ANKFN1: variants seen among roughly 807,000 people sequenced by gnomAD.
ANKFN1 encodes ankyrin repeat and fibronectin type-III domain-containing protein 1.
Under a neutral mutation model 108.7 loss-of-function variants are expected in ANKFN1, and 74 were observed. The ratio of observed to expected loss-of-function variants is 0.68; its 90% confidence interval spans 0.56 to 0.83. The LOEUF is 0.83. Ranked by LOEUF, ANKFN1 falls within the 40% of genes least tolerant of loss-of-function variation. ANKFN1 has a pLI of 0.00. For missense variants in ANKFN1, 1,505 were observed against 1,382.3 expected (o/e 1.09, Z -1.41); for synonymous variants, 547 against 516.2 (o/e 1.06, Z -0.81).
At chr17:56,204,109 C>T (rs2877737) in intron 1 of ANKFN1, among the ~76,000 whole-genome samples, 47,429 of 152,022 alleles carry the variant, frequency 0.31, 8,973 homozygotes, top group East Asian at 0.51. Context: ...TGCAATGGCA[C>T]GATCTCGGCT....
chr17:56,102,009 A>G (rs898654320), intron 4 of ANKFN1, among the ~76,000 whole-genome samples: 1 of 152,198 alleles, frequency 6.6e-6, no homozygotes, highest in African/African-American at 2.4e-5. Context: ...TGTTTCAGCC[A>G]TTTAAAATGA....
rs748898792 is a variant in ANKFN1, at chr17:56,092,266, A to ATTTTTTTTTTTTTTTTTTT, written c.288+45944_288+45962dup. On this transcript the variant is annotated intron_variant, in intron 4 of 12. Coordinates refer to the ANKFN1 transcript ENST00000635860. The stretch of plus-strand genomic sequence containing the variant: ...ATGTAGGCACAGGGAGTGAGGTAGT[A>ATTTTTTTTTTTTTTTTTTT]TTTTTTTTTTTTTTTTTTTTTGAGA... Among the ~76,000 whole-genome samples, 3 of 111,380 alleles carry ATTTTTTTTTTTTTTTTTTT rather than the reference A, an allele frequency of 2.7e-5. 1 individual carries two copies. Among genetic ancestry groups the ATTTTTTTTTTTTTTTTTTT allele is most frequent in the African/African-American group, 1.2e-4 (3 of 24,860 alleles). The allele number at this position is 111,380 out of a possible 152,430, so 73.1% of individuals were successfully genotyped here. A position where few individuals can be genotyped will look rare whatever the true frequency, so the allele number is the denominator to read the frequency against.
chr17:56,353,852 A>T lies in ANKFN1; in HGVS notation c.407A>T (p.Glu136Val). The T allele has an allele frequency of 6.2e-7, 1 of 1,614,004 alleles. No individual in the cohort carries two copies. Among genetic ancestry groups the T allele is most frequent in the Non-Finnish European group, 8.5e-7 (1 of 1,179,938 alleles). ...RKTSVNFQGN[E>V]AMFEAVEQQD... ...CCTCTCTAGAATTTCCAGGGCAATG[A>T]AGCCATGTTTGAGGCAGTCGAACAG... The change falls in exon 6 of 21, where the codon GAA becomes GTA. Residue 136 changes from glutamate (E) to valine (V), a missense_variant. Transcript: ENST00000682825.
At chr17:56,454,467 A>G (rs1321781380) in intron 11 of ANKFN1, among the ~76,000 whole-genome samples, 2 of 152,036 alleles carry the variant, frequency 1.3e-5, no homozygotes, top group Non-Finnish European at 2.9e-5. Flanking sequence ...TGGCCTTTGT[A>G]TTTCATGTTA....
chr17:56,378,148 T>C (rs1237353115), intron 8 of ANKFN1, among the ~76,000 whole-genome samples: 1 of 152,244 alleles, frequency 6.6e-6, no homozygotes, highest in Non-Finnish European at 1.5e-5. Context: ...ATAGTGTATC[T>C]GCTTCTGCAG....
At chr17:56,448,690 T>C (rs2049377832) in intron 10 of ANKFN1, among the ~76,000 whole-genome samples, 1 of 152,188 alleles carries the variant, frequency 6.6e-6, no homozygotes, top group African/African-American at 2.4e-5. Flanking sequence ...CTTTCTTTCC[T>C]ACTGTGAAAA....
intron 1 of ANKFN1, among the ~76,000 whole-genome samples, chr17:56,171,760 C>T (rs1910712347): frequency 6.6e-6 from 1 of 152,110 alleles, no homozygotes; most frequent in African/African-American, 2.4e-5. Context: ...TTAAAACTGT[C>T]CAGGCACAGA....
chr17:56,160,299 G>T (rs1397287911), intron 1 of ANKFN1, among the ~76,000 whole-genome samples: 2 of 152,294 alleles, frequency 1.3e-5, no homozygotes, highest in South Asian at 2.1e-4. Flanking sequence ...TGGAGAGAAA[G>T]GTAAATGATA....
chr17:56,217,417 G>T (rs146231498), intron 2 of ANKFN1, among the ~76,000 whole-genome samples: 5 of 152,160 alleles, frequency 3.3e-5, no homozygotes, highest in South Asian at 2.1e-4. Flanking sequence ...AAATTCCACC[G>T]CATTGTGTTG....
At chr17:56,395,743 G>A (rs560379024) in intron 8 of ANKFN1, among the ~76,000 whole-genome samples, 4 of 152,206 alleles carry the variant, frequency 2.6e-5, no homozygotes, top group African/African-American at 9.6e-5. Flanking sequence ...CAGCTACTCG[G>A]GAGGCTGAGG....
At chr17:56,182,911 A>C (rs1202675513) in intron 1 of ANKFN1, among the ~76,000 whole-genome samples, 2 of 152,172 alleles carry the variant, frequency 1.3e-5, no homozygotes, top group Non-Finnish European at 2.9e-5. Context: ...AATTAGACTA[A>C]ATCTACTTTG....
At chr17:56,340,206 C>A (rs1445203376) in intron 4 of ANKFN1, among the ~76,000 whole-genome samples, 2 of 152,034 alleles carry the variant, frequency 1.3e-5, no homozygotes, top group African/African-American at 4.8e-5. Flanking sequence ...GGGTATTAGA[C>A]CTCGTCAGAT....
intron 5 of ANKFN1, among the ~76,000 whole-genome samples, chr17:56,353,426 G>A (rs2046297236): frequency 6.6e-6 from 1 of 151,934 alleles, no homozygotes; most frequent in East Asian, 1.9e-4. Flanking sequence ...TTGTAGAGAT[G>A]GGGTTTCACT....
chr17:56,230,684 T>C (rs1409972474), intron 3 of ANKFN1, among the ~76,000 whole-genome samples: 1 of 152,124 alleles, frequency 6.6e-6, no homozygotes, highest in African/African-American at 2.4e-5. Context: ...AAGAGAATTA[T>C]CTTCTGGGTG....
At chr17:56,268,540 C>G (rs1353665461) in intron 3 of ANKFN1, among the ~76,000 whole-genome samples, 1 of 152,054 alleles carries the variant, frequency 6.6e-6, no homozygotes, top group Non-Finnish European at 1.5e-5. Context: ...CCAGAGCAAA[C>G]CAATCCCAAG....
chr17:56,442,952 C>A lies in ANKFN1; in HGVS notation c.1099+19C>A, dbSNP rs756327836. The A allele has an allele frequency of 3.7e-6, 6 of 1,611,540 alleles. No individual in the cohort carries two copies. The highest frequency in any genetic ancestry group is 4.2e-6 in the Non-Finnish European group (5 of 1,178,016). ...CCTTCTAGTAGGTGGTGGCTGTGAA[C>A]TCTCTCCAGCATGGTAACAGACTCC... is the stretch of plus-strand genomic sequence containing the variant. On this transcript the variant is annotated intron_variant, in intron 10 of 20. Coordinates refer to ENST00000682825, the MANE Select transcript of ANKFN1 (RefSeq NM_001370326.1).
chr17:56,314,850 AC>A (rs2045152540), intron 3 of ANKFN1, among the ~76,000 whole-genome samples: 1 of 152,218 alleles, frequency 6.6e-6, no homozygotes, highest in South Asian at 2.1e-4. Flanking sequence ...ATAGATGTAG[AC>A]AAAAGAAGAC....
intron 2 of ANKFN1, among the ~76,000 whole-genome samples, chr17:56,219,891 G>C (rs542123533): frequency 2.0e-5 from 3 of 152,296 alleles, no homozygotes; most frequent in Admixed American, 1.3e-4. Flanking sequence ...GGAGGCCCTT[G>C]GCTTTTTAAT....
At chr17:56,189,019 G>C (rs1912580036) in intron 1 of ANKFN1, among the ~76,000 whole-genome samples, 1 of 151,836 alleles carries the variant, frequency 6.6e-6, no homozygotes, top group Non-Finnish European at 1.5e-5. Flanking sequence ...GAACACATAG[G>C]GGTACTGGGA....
Sources: gnomAD v4.1 joint callset for allele counts (sites outside exome capture counted in the v4.1 genomes callset) on GRCh38, gnomAD v4.1.1 for gene constraint, MANE v1.5 for transcripts, NCBI Gene and HGNC (gene_info 2026-07-23, HGNC 2026-07-21) for gene names.